AHNAK: variants seen among roughly 807,000 people sequenced by gnomAD.
AHNAK encodes AHNAK nucleoprotein.
Under a neutral mutation model 37.8 loss-of-function variants are expected in AHNAK, and 23 were observed. The ratio of observed to expected loss-of-function variants is 0.61; its 90% confidence interval spans 0.44 to 0.86. The LOEUF is 0.86. Ranked by LOEUF, AHNAK falls within the 40% of genes least tolerant of loss-of-function variation. The pLI is 0.00. For missense variants in AHNAK, 7,411 were observed against 7,319.4 expected (o/e 1.01, Z -0.46); for synonymous variants, 2,481 against 2,636.3 (o/e 0.94, Z 1.80).
At chr11:62,476,835 T>G (rs1261752909) in intron 5 of AHNAK, among the ~76,000 whole-genome samples, 1 of 152,138 alleles carries the variant, frequency 6.6e-6, no homozygotes, top group East Asian at 1.9e-4. Flanking sequence ...TCATGGTCAC[T>G]GGTGGTCTGC....
intron 5 of AHNAK, among the ~76,000 whole-genome samples, chr11:62,464,586 T>G (rs1370159591): frequency 6.6e-6 from 1 of 151,860 alleles, no homozygotes; most frequent in Non-Finnish European, 1.5e-5. Context: ...GAGAATCACT[T>G]GAACCCAGGA....
chr11:62,529,946 T>C lies in AHNAK; in HGVS notation c.4471A>G (p.Lys1491Glu). 2 of 1,613,016 alleles carry C rather than the reference T, an allele frequency of 1.2e-6. No homozygotes were observed. The highest frequency in any genetic ancestry group is 1.7e-6 in the Non-Finnish European group (2 of 1,179,728). ...KAPDVDIKGP[K>E]VDINAPDVEV... ...ACATCTGGTGCATTAATATCAACTTTGGGGCCTTTGATGTCAACATCAGGA... is the reference window on the plus strand; with the variant it reads ...ACATCTGGTGCATTAATATCAACTTCGGGGCCTTTGATGTCAACATCAGGA... Residue 1491 changes from lysine (K) to glutamate (E), a missense_variant, in exon 5 of 5, where the codon AAA (lysine) becomes GAA (glutamate). Physicochemically the swap from Lys to Glu is moderately conservative, Grantham distance 56. Transcript: ENST00000378024.
At chr11:62,476,149 C>A (rs1163399535) in intron 5 of AHNAK, among the ~76,000 whole-genome samples, 1 of 152,084 alleles carries the variant, frequency 6.6e-6, no homozygotes, top group African/African-American at 2.4e-5. Context: ...TCTGGCCGGA[C>A]GGCTGAGGCA....
intron 1 of AHNAK, among the ~76,000 whole-genome samples, chr11:62,543,128 G>A (rs1354624329): frequency 2.0e-5 from 3 of 152,174 alleles, no homozygotes; most frequent in Non-Finnish European, 4.4e-5. Context: ...CTGACAGGCC[G>A]TGTGCAGTGC....
At chr11:62,446,114 T>G (rs933207343) in intron 5 of AHNAK, among the ~76,000 whole-genome samples, 9 of 151,852 alleles carry the variant, frequency 5.9e-5, no homozygotes, top group Non-Finnish European at 1.2e-4. Context: ...AGGAAGGCAT[T>G]TCATTAATTT....
chr11:62,490,287 C>T (rs916327640), intron 5 of AHNAK, among the ~76,000 whole-genome samples: 11 of 150,504 alleles, frequency 7.3e-5, no homozygotes, highest in Non-Finnish European at 1.2e-4. Context: ...CTGCAACCTC[C>T]GCCTCCCGGG....
rs745935303 is a variant in AHNAK at position 62,520,744 on chromosome 11, G to A, written c.13673C>T (p.Pro4558Leu). Residue 4558 changes from proline to leucine, a missense_variant, in exon 5 of 5, where the codon CCT becomes CTT. Pro to Leu is a moderately conservative substitution (Grantham distance 98). Transcript: ENST00000378024. ...ATCAGGAGTGTCAATGCCCACTTTA[G>A]GGCCTTTGACATCCACTTTGGGACC... Reference protein sequence around the residue: ...LKGPKVDVKGPKVGIDTPDID... With the variant: ...LKGPKVDVKGLKVGIDTPDID... 6.2e-7 allele frequency: 1 copy of A among 1,614,072 alleles called. No individual in the cohort carries two copies. Among genetic ancestry groups the A allele is most frequent in the Admixed American group, 1.7e-5 (1 of 59,998 alleles).
At position 62,525,337 on chromosome 11, in the gene AHNAK, A is replaced by G; in HGVS notation, c.9080T>C (p.Met3027Thr). 1 of 1,612,288 alleles carries G rather than the reference A, an allele frequency of 6.2e-7. No individual in the cohort carries two copies. Among genetic ancestry groups the G allele is most frequent in the Non-Finnish European group, 8.5e-7 (1 of 1,179,680 alleles). ...DWHLKMPKVK[M>T]PKFSMPGFKG... ...GAAGCCAGGCATGCTGAATTTGGGC[A>G]TTTTCACTTTGGGCATTTTTAGGTG... Residue 3027 changes from methionine (M) to threonine (T), a missense_variant, in exon 5 of 5, where the codon ATG becomes ACG. By Grantham distance (81) the Met-to-Thr change is moderately conservative. Coordinates refer to ENST00000378024, the MANE Select transcript of AHNAK (RefSeq NM_001620.3).
At chr11:62,454,181 A>G (rs1263357586) in intron 5 of AHNAK, among the ~76,000 whole-genome samples, 1 of 151,874 alleles carries the variant, frequency 6.6e-6, no homozygotes, top group Admixed American at 6.6e-5. Flanking sequence ...TGGGAGGCGG[A>G]GGCGGGCGGA....
At chr11:62,469,884 G>A (rs906285374) in intron 5 of AHNAK, among the ~76,000 whole-genome samples, 1 of 152,214 alleles carries the variant, frequency 6.6e-6, no homozygotes, top group Non-Finnish European at 1.5e-5. Context: ...AAGTGGACAA[G>A]ATAGGAAAAA....
Position 62,531,755 on chromosome 11 carries a change from G to T in AHNAK, c.2662C>A (p.Pro888Thr). The T allele has an allele frequency of 1.9e-6, 3 of 1,613,782 alleles. No homozygotes were observed. Among genetic ancestry groups the T allele is most frequent in the Non-Finnish European group, 1.7e-6 (2 of 1,179,968 alleles). ...TCTGGGCCCTCTGCTTTGAAGCCAG[G>T]CATGCTGAACTTGGGCATTTTCATC... ...PKMKMPKFSM[P>T]GFKAEGPEVD... The change falls in exon 5 of 5, where the codon CCT (proline) becomes ACT (threonine). Residue 888 changes from proline to threonine, a missense_variant. Coordinates refer to ENST00000378024, the MANE Select transcript of AHNAK (RefSeq NM_001620.3).
Position 62,516,562 on chromosome 11 carries a change from C to T in AHNAK, c.*182G>A. 6.9e-7 allele frequency: 1 copy of T among 1,446,750 alleles called. No homozygotes were observed. The highest frequency in any genetic ancestry group is 1.4e-5 in the African/African-American group (1 of 70,072). 89.6% of individuals were successfully genotyped at this position (1,446,750 alleles called of 1,614,324 possible). ...GACGAACTTGGAACTCTTTACCTAT[C>T]TGTATAGTTCCAGGAGCCTACAGGC... On this transcript the variant is annotated 3_prime_UTR_variant, in exon 5 of 5. Transcript: ENST00000378024.
chr11:62,461,113 G>A (rs1318324543), intron 5 of AHNAK, among the ~76,000 whole-genome samples: 2 of 147,772 alleles, frequency 1.4e-5, no homozygotes, highest in Non-Finnish European at 3.0e-5. Context: ...GGGATTACAG[G>A]CGTGGGCCAC....
In AHNAK at chr11:62,532,585, T is replaced by A; in HGVS notation, c.1832A>T (p.Asp611Val). The A allele has an allele frequency of 6.2e-7, 1 of 1,614,216 alleles. No individual in the cohort carries two copies. Among genetic ancestry groups the A allele is most frequent in the Non-Finnish European group, 8.5e-7 (1 of 1,180,056 alleles). ...PEVDVRGPKVDVSAPDVEAHG... is the reference protein window; with the variant it reads ...PEVDVRGPKVVVSAPDVEAHG... ...CGCTTCGACATCTGGGGCACTGACA[T>A]CCACTTTGGGGCCTCTGACATCAAC... The change falls in exon 5 of 5, where the codon GAT (aspartate) becomes GTT (valine). Residue 611 changes from aspartate (D) to valine (V), a missense_variant. Physicochemically the swap from Asp to Val is radical, Grantham distance 152 (BLOSUM62 -3). Coordinates refer to ENST00000378024, the MANE Select transcript of AHNAK (RefSeq NM_001620.3).
chr11:62,540,017 C>T (rs1941075061), intron 1 of AHNAK, among the ~76,000 whole-genome samples: 1 of 152,262 alleles, frequency 6.6e-6, no homozygotes, highest in African/African-American at 2.4e-5. Flanking sequence ...GAGCCTGTAT[C>T]AAGCCCAAGT....
intron 5 of AHNAK, among the ~76,000 whole-genome samples, chr11:62,475,261 C>T (rs1276896749): frequency 2.6e-5 from 4 of 152,122 alleles, no homozygotes; most frequent in African/African-American, 9.7e-5. Context: ...CGAGATCGCA[C>T]CATTGCACTC....
In AHNAK at chr11:62,517,699, G is replaced by A. The variant is rs778200517; in HGVS notation, c.16718C>T (p.Ser5573Leu). Residue 5573 changes from serine to leucine, a missense_variant, in exon 5 of 5, where the codon TCA becomes TTA. Coordinates refer to ENST00000378024, the MANE Select transcript of AHNAK (RefSeq NM_001620.3). Reference sequence around the variant, plus strand: ...GATGTCTGGGGCACTGACACCCCCTGAAACATCCGCACCTCCTTTGATTTT... The same window carrying A: ...GATGTCTGGGGCACTGACACCCCCTAAAACATCCGCACCTCCTTTGATTTT... The part of the protein sequence containing the change: ...GPKIKGGADV[S>L]GGVSAPDISL... The A allele has an allele frequency of 6.2e-7, 1 of 1,614,040 alleles. No individual in the cohort carries two copies. The highest frequency in any genetic ancestry group is 8.5e-7 in the Non-Finnish European group (1 of 1,180,038).
At position 62,524,080 on chromosome 11, in the gene AHNAK, C is replaced by A. The variant is rs765015772; in HGVS notation, c.10337G>T (p.Gly3446Val). Reference sequence around the variant, plus strand: ...TGGTGCCTTAATATCCACTTTGGGGCCTTTAAAGTCACCTTCTAAATTGGG... The same window carrying A: ...TGGTGCCTTAATATCCACTTTGGGGACTTTAAAGTCACCTTCTAAATTGGG... ...AGPNLEGDFKGPKVDIKAPEV... is the reference protein window; with the variant it reads ...AGPNLEGDFKVPKVDIKAPEV... The change falls in exon 5 of 5, where the codon GGC becomes GTC. Residue 3446 changes from glycine (G) to valine (V), a missense_variant. Transcript: ENST00000378024. The A allele has an allele frequency of 6.2e-7, 1 of 1,614,062 alleles. No homozygotes were observed. The highest frequency in any genetic ancestry group is 8.5e-7 in the Non-Finnish European group (1 of 1,180,014).
chr11:62,473,433 C>T (rs1440972740), intron 5 of AHNAK, among the ~76,000 whole-genome samples: 21 of 141,858 alleles, frequency 1.5e-4, no homozygotes, highest in African/African-American at 3.4e-4. Context: ...CGGTGGCTCA[C>T]GCCTGTAATC....
Sources: gnomAD v4.1 joint callset for allele counts (sites outside exome capture counted in the v4.1 genomes callset) on GRCh38, gnomAD v4.1.1 for gene constraint, MANE v1.5 for transcripts, NCBI Gene and HGNC (gene_info 2026-07-23, HGNC 2026-07-21) for gene names.